KCNMA1: variants seen among roughly 807,000 people sequenced by gnomAD.
The protein encoded by KCNMA1 is potassium calcium-activated channel subfamily M alpha 1.
In KCNMA1, 29 loss-of-function variants were observed where a neutral mutation model predicts 140.0. The observed-to-expected ratio is 0.21, with a 90% CI of 0.15 to 0.28. The LOEUF is 0.28. Among genes scored for constraint, KCNMA1 ranks in the 10% least tolerant of loss-of-function variants. The pLI, the probability that KCNMA1 is intolerant of heterozygous loss-of-function variation, is 1.00. For synonymous variants in KCNMA1, 612 were observed against 611.9 expected (o/e 1.00, Z 0.00); for missense variants, 880 against 1,602.2 (o/e 0.55, Z 7.70).
At chr10:77,094,428 A>G (rs1356292338) in intron 9 of KCNMA1, among the ~76,000 whole-genome samples, 2 of 152,202 alleles carry the variant, frequency 1.3e-5, no homozygotes, top group Middle Eastern at 3.4e-3. Flanking sequence ...GTCCTCCTGG[A>G]TACATGGTGG....
In KCNMA1 at chr10:77,121,067, T is replaced by C. The variant is rs2153946816; in HGVS notation, c.809-19A>G. The C allele has an allele frequency of 7.2e-7, 1 of 1,379,530 alleles. No individual in the cohort carries two copies. The highest frequency in any genetic ancestry group is 1.2e-5 in the South Asian group (1 of 86,000). 85.5% of individuals were successfully genotyped at this position (1,379,530 alleles called of 1,614,324 possible). A position where few individuals can be genotyped will look rare whatever the true frequency, so the allele number is the denominator to read the frequency against. The stretch of plus-strand genomic sequence containing the variant: ...CTCAAACCTGGAAAAAAGAATGAAA[T>C]AGAGATGCATTATTTTCAATGTGTG... On this transcript the variant is annotated intron_variant, in intron 5 of 27. Transcript: ENST00000286628.
intron 5 of KCNMA1, among the ~76,000 whole-genome samples, chr10:77,163,350 T>C (rs1012474330): frequency 6.6e-6 from 1 of 152,192 alleles, no homozygotes; most frequent in South Asian, 2.1e-4. Context: ...GAGGCAGAGT[T>C]GAATGGTGGT....
chr10:77,211,193 G>C (rs1326215038), intron 3 of KCNMA1, among the ~76,000 whole-genome samples: 2 of 152,106 alleles, frequency 1.3e-5, no homozygotes, highest in Non-Finnish European at 1.5e-5. Context: ...CAAACTACCT[G>C]ACTTCAAATA....
At chr10:77,124,833 CT>C (rs1189644272) in intron 5 of KCNMA1, among the ~76,000 whole-genome samples, 1 of 152,184 alleles carries the variant, frequency 6.6e-6, no homozygotes, top group Non-Finnish European at 1.5e-5. Flanking sequence ...CGTTCTCACT[CT>C]GCTAATAAAG....
chr10:76,914,769 C>G, intron 24 of KCNMA1, 167 bp downstream of exon 24: 1 of 607,516 alleles, frequency 1.6e-6, no homozygotes, highest in Middle Eastern at 3.7e-4. Context: ...TTTTCCCTTC[C>G]GGTAATCTGC....
intron 3 of KCNMA1, among the ~76,000 whole-genome samples, chr10:77,203,889 G>A (rs1490661564): frequency 6.6e-6 from 1 of 152,034 alleles, no homozygotes; most frequent in Non-Finnish European, 1.5e-5. Context: ...TTGAAGTCAG[G>A]AATCCGAGAC....
intron 1 of KCNMA1, among the ~76,000 whole-genome samples, chr10:77,629,392 G>A (rs2154570854): frequency 6.6e-6 from 1 of 152,318 alleles, no homozygotes; most frequent in East Asian, 1.9e-4. Context: ...ATCCACGAAT[G>A]ATTCAAGCAC....
intron 5 of KCNMA1, among the ~76,000 whole-genome samples, chr10:77,167,463 G>T (rs746127055): frequency 6.6e-5 from 10 of 152,100 alleles, no homozygotes; most frequent in Non-Finnish European, 1.5e-4. Flanking sequence ...CTTTCCTATA[G>T]TAGGGCTAAA....
chr10:77,203,224 C>T (rs1421443059), intron 3 of KCNMA1, among the ~76,000 whole-genome samples: 1 of 152,180 alleles, frequency 6.6e-6, no homozygotes, highest in East Asian at 1.9e-4. Flanking sequence ...GGGTCCTATC[C>T]TAATCACAAC....
chr10:77,165,685 CATTT>C (rs1341693460), intron 5 of KCNMA1, among the ~76,000 whole-genome samples: 1 of 152,286 alleles, frequency 6.6e-6, no homozygotes, highest in East Asian at 1.9e-4. Flanking sequence ...AGTTGTTTTC[CATTT>C]ATACTTAGCC....
intron 1 of KCNMA1, among the ~76,000 whole-genome samples, chr10:77,628,919 T>TTCA (rs1384165779): frequency 3.9e-5 from 6 of 152,200 alleles, no homozygotes; most frequent in African/African-American, 1.4e-4. Flanking sequence ...AAGGCTGGAA[T>TTCA]TCAGGCTTTC....
chr10:77,405,000 A>T (rs138739289), intron 1 of KCNMA1, among the ~76,000 whole-genome samples: 9 of 152,340 alleles, frequency 5.9e-5, no homozygotes, highest in African/African-American at 1.7e-4. Context: ...TGAAATCTAC[A>T]CCAGACCTTT....
At chr10:77,462,686 G>A (rs934808602) in intron 1 of KCNMA1, among the ~76,000 whole-genome samples, 11 of 152,282 alleles carry the variant, frequency 7.2e-5, no homozygotes, top group Non-Finnish European at 1.5e-4. Context: ...GCTCTCCCCC[G>A]GGAGAGAGTC....
chr10:77,546,927 A>C (rs2061577338), intron 1 of KCNMA1, among the ~76,000 whole-genome samples: 1 of 152,212 alleles, frequency 6.6e-6, no homozygotes, highest in Non-Finnish European at 1.5e-5. Context: ...TGAGACCCAA[A>C]GCTCAGAGAA....
At chr10:77,456,617 G>A (rs1412197574) in intron 1 of KCNMA1, among the ~76,000 whole-genome samples, 1 of 152,230 alleles carries the variant, frequency 6.6e-6, no homozygotes, top group African/African-American at 2.4e-5. Flanking sequence ...GAGGCTGCAT[G>A]GAGGAGACTG....
At chr10:77,636,408 C>A (rs762784623) in intron 1 of KCNMA1, 10 of 1,536,014 alleles carry the variant, frequency 6.5e-6, no homozygotes, top group Non-Finnish European at 8.7e-6. Flanking sequence ...GACATCTAGC[C>A]ACCTCGAGCG....
At chr10:77,435,490 C>T (rs541596424) in intron 1 of KCNMA1, among the ~76,000 whole-genome samples, 4 of 152,210 alleles carry the variant, frequency 2.6e-5, no homozygotes, top group Non-Finnish European at 4.4e-5. Flanking sequence ...AACAGTAAAC[C>T]GAGACTTTCT....
At chr10:76,956,862 C>T (rs1423588488) in intron 20 of KCNMA1, among the ~76,000 whole-genome samples, 1 of 152,038 alleles carries the variant, frequency 6.6e-6, no homozygotes, top group East Asian at 1.9e-4. Flanking sequence ...GTGGCTCAGG[C>T]CTGTAATCCC....
At chr10:77,001,704 C>T in intron 18 of KCNMA1, 124 bp from the exon 19 acceptor site, 1 of 727,618 alleles carries the variant, frequency 1.4e-6, no homozygotes, top group Non-Finnish European at 2.2e-6. Flanking sequence ...CTTTAACAGT[C>T]TTGACCCAGA....
Sources: gnomAD v4.1 joint callset for allele counts (sites outside exome capture counted in the v4.1 genomes callset) on GRCh38, gnomAD v4.1.1 for gene constraint, MANE v1.5 for transcripts, NCBI Gene and HGNC (gene_info 2026-07-23, HGNC 2026-07-21) for gene names.